Variants in HYCC2 observed in about 807,000 individuals in gnomAD.
HYCC2 encodes the protein hyccin 2.
the HYCC2 span, among the ~76,000 whole-genome samples, chr2:201,068,242 G>A: frequency 5.3e-5 from 8 of 151,776 alleles, no homozygotes; most frequent in South Asian, 2.1e-4. Context: ...AGCCCAGATC[G>A]CGCCACTGCA....
At chr2:201,046,441 A>G in the HYCC2 span, among the ~76,000 whole-genome samples, 33,068 of 151,982 alleles carry the variant, frequency 0.22, 4,465 homozygotes, top group African/African-American at 0.38. Flanking sequence ...AAGAACTTGA[A>G]AAGGGCTAAG....
At chr2:200,998,957 G>A in the HYCC2 span, among the ~76,000 whole-genome samples, 2 of 152,128 alleles carry the variant, frequency 1.3e-5, no homozygotes, top group African/African-American at 4.8e-5. Flanking sequence ...ATATATCTAG[G>A]TAAAAGAATG....
At chr2:201,068,350 TAA>T in the HYCC2 span, among the ~76,000 whole-genome samples, 3 of 152,116 alleles carry the variant, frequency 2.0e-5, no homozygotes, top group Non-Finnish European at 4.4e-5. Flanking sequence ...TATTGAGCTA[TAA>T]AAGTATTAGT....
chr2:201,030,643 A>C, the HYCC2 span, among the ~76,000 whole-genome samples: 7 of 149,678 alleles, frequency 4.7e-5, no homozygotes, highest in East Asian at 2.0e-4. Flanking sequence ...CAGTGGCGAG[A>C]TCTTGGCTCA....
At chr2:201,060,865 GA>G in the HYCC2 span, among the ~76,000 whole-genome samples, 1 of 151,986 alleles carries the variant, frequency 6.6e-6, no homozygotes, top group Non-Finnish European at 1.5e-5. Context: ...AAGCAAGACT[GA>G]AAAAAGAGAT....
At chr2:201,043,031 T>A in the HYCC2 span, among the ~76,000 whole-genome samples, 1 of 152,188 alleles carries the variant, frequency 6.6e-6, no homozygotes, top group Non-Finnish European at 1.5e-5. Context: ...AGACTGTTAT[T>A]GTGTCTGTGT....
chr2:201,047,809 A>G, the HYCC2 span, among the ~76,000 whole-genome samples: 42 of 151,756 alleles, frequency 2.8e-4, no homozygotes, highest in Non-Finnish European at 5.0e-4. Context: ...TTAAAGGGCC[A>G]AAGAGAAAAT....
At chr2:201,069,393 T>C in the HYCC2 span, among the ~76,000 whole-genome samples, 1 of 152,198 alleles carries the variant, frequency 6.6e-6, no homozygotes, top group East Asian at 1.9e-4. Flanking sequence ...AACCACACTA[T>C]ATGCTAATTT....
the HYCC2 span, among the ~76,000 whole-genome samples, chr2:200,999,130 T>C: frequency 6.6e-6 from 1 of 152,164 alleles, no homozygotes; most frequent in South Asian, 2.1e-4. Context: ...GATCTCTAGT[T>C]AAGATACCAG....
At chr2:201,043,561 T>C in the HYCC2 span, among the ~76,000 whole-genome samples, 1 of 150,066 alleles carries the variant, frequency 6.7e-6, no homozygotes, top group Non-Finnish European at 1.5e-5. Flanking sequence ...TAGGCTAGAG[T>C]GCAGTGGCGT....
chr2:200,998,233 T>C, the HYCC2 span, among the ~76,000 whole-genome samples: 2 of 152,210 alleles, frequency 1.3e-5, no homozygotes, highest in African/African-American at 4.8e-5. Flanking sequence ...ACCAACCACA[T>C]ATACCACACT....
chr2:201,010,061 G>A, the HYCC2 span, among the ~76,000 whole-genome samples: 8 of 145,454 alleles, frequency 5.5e-5, no homozygotes, highest in Non-Finnish European at 1.0e-4. Context: ...CTGAGATCGC[G>A]CCACTGCACT....
chr2:201,050,150 G>C, the HYCC2 span, among the ~76,000 whole-genome samples: 2 of 151,582 alleles, frequency 1.3e-5, no homozygotes, highest in African/African-American at 4.9e-5. Context: ...CGAGTTTAAG[G>C]CTGTAGTGAG....
At chr2:201,039,743 T>C in the HYCC2 span, among the ~76,000 whole-genome samples, 49,545 of 152,024 alleles carry the variant, frequency 0.33, 10,919 homozygotes, top group African/African-American at 0.63. Context: ...ATACATAAAG[T>C]TAAATTCTAG....
the HYCC2 span, among the ~76,000 whole-genome samples, chr2:201,010,093 G>C: frequency 7.1e-6 from 1 of 140,600 alleles, no homozygotes; most frequent in Non-Finnish European, 1.5e-5. Context: ...GACAGAGCGA[G>C]ACTCTGTCTC....
At chr2:201,060,063 G>A in the HYCC2 span, among the ~76,000 whole-genome samples, 6 of 141,546 alleles carry the variant, frequency 4.2e-5, no homozygotes, top group South Asian at 2.5e-4. Flanking sequence ...GCGGGGGGGG[G>A]GGGGTTCTTC....
At chr2:201,031,325 T>C in the HYCC2 span, among the ~76,000 whole-genome samples, 6 of 152,172 alleles carry the variant, frequency 3.9e-5, no homozygotes, top group East Asian at 1.2e-3. Context: ...GAACACTCTG[T>C]AACAAAAAAG....
chr2:200,983,222 C>T, the HYCC2 span, among the ~76,000 whole-genome samples: 1 of 152,104 alleles, frequency 6.6e-6, no homozygotes, highest in Non-Finnish European at 1.5e-5. Flanking sequence ...TGGTTTGCTA[C>T]CTATTAAATA....
chr2:200,992,484 G>T, the HYCC2 span: 1 of 733,076 alleles, frequency 1.4e-6, no homozygotes, highest in Non-Finnish European at 2.4e-6. Flanking sequence ...CATACCAAGT[G>T]TTACGTCATT....
Sources: allele counts gnomAD v4.1 joint callset (sites outside exome capture counted in the v4.1 genomes callset), GRCh38; gene constraint gnomAD v4.1.1; transcripts MANE v1.5; gene names NCBI Gene and HGNC (gene_info 2026-07-23, HGNC 2026-07-21).